The following CNTNAP2 variants were observed in gnomAD, a reference collection of about 807,000 sequenced individuals.
CNTNAP2 encodes the protein contactin-associated protein-like 2.
CNTNAP2 carries 98 observed loss-of-function variants against 155.2 expected under a neutral mutation model. The ratio of observed to expected loss-of-function variants is 0.63; its 90% CI spans 0.54 to 0.75. The LOEUF is 0.75. Ranked by LOEUF, CNTNAP2 falls within the 30% of genes least tolerant of loss-of-function variation. CNTNAP2 has a pLI of 0.00. For synonymous variants in CNTNAP2, 651 were observed against 631.2 expected, an observed-to-expected ratio of 1.03 and a Z score of -0.47; for missense variants, 1,727 against 1,688.1, an observed-to-expected ratio of 1.02 and a Z score of -0.40.
intron 12 of CNTNAP2, among the ~76,000 whole-genome samples, chr7:147,608,403 A>G (rs202116809): frequency 7.1e-6 from 1 of 141,222 alleles, no homozygotes; most frequent in East Asian, 2.1e-4. Context: ...TGTTTTTTTT[A>G]AACTTACTGT....
intron 12 of CNTNAP2, among the ~76,000 whole-genome samples, chr7:147,614,737 C>T (rs1187314504): frequency 6.6e-6 from 1 of 151,524 alleles, no homozygotes; most frequent in East Asian, 1.9e-4. Flanking sequence ...TATTTTGTGA[C>T]TAATTCTTTG....
intron 12 of CNTNAP2, among the ~76,000 whole-genome samples, chr7:147,592,479 T>G (rs537691903): frequency 0.011 from 213 of 19,172 alleles, no homozygotes; most frequent in African/African-American, 0.034. Flanking sequence ...TTGTTTCTGG[T>G]TTTTTTTTTT....
chr7:146,266,886 A>ATTT (rs58244472), intron 1 of CNTNAP2, among the ~76,000 whole-genome samples: 1 of 140,910 alleles, frequency 7.1e-6, no homozygotes. Context: ...ACATTGCTGA[A>ATTT]TTTTTTTTTT....
intron 8 of CNTNAP2, among the ~76,000 whole-genome samples, chr7:147,157,237 A>G (rs985217275): frequency 6.6e-6 from 1 of 152,000 alleles, no homozygotes; most frequent in Non-Finnish European, 1.5e-5. Flanking sequence ...TTAGAGCACT[A>G]TTTCTTTCTA....
At chr7:146,831,084 A>G (rs900767118) in intron 2 of CNTNAP2, among the ~76,000 whole-genome samples, 10 of 152,148 alleles carry the variant, frequency 6.6e-5, no homozygotes, top group African/African-American at 2.2e-4. Flanking sequence ...CAAGGACTCA[A>G]TTTTATAAAA....
At chr7:148,395,744 G>A (rs955304121) in intron 22 of CNTNAP2, among the ~76,000 whole-genome samples, 10 of 152,232 alleles carry the variant, frequency 6.6e-5, no homozygotes, top group Middle Eastern at 3.4e-3. Context: ...AGGCCTGGCC[G>A]TGTCAGGGGC....
intron 1 of CNTNAP2, among the ~76,000 whole-genome samples, chr7:146,231,517 G>A (rs1289347879): frequency 6.6e-6 from 1 of 152,220 alleles, no homozygotes; most frequent in African/African-American, 2.4e-5. Flanking sequence ...GTACAGGTAT[G>A]TGAATGTAGA....
At chr7:148,167,827 C>A (rs1410306082) in intron 17 of CNTNAP2, among the ~76,000 whole-genome samples, 1 of 152,072 alleles carries the variant, frequency 6.6e-6, no homozygotes, top group African/African-American at 2.4e-5. Flanking sequence ...CCATGTAGAA[C>A]CTAAGAAGTC....
chr7:148,201,273 G>C (rs1795366222), intron 18 of CNTNAP2, among the ~76,000 whole-genome samples: 1 of 152,170 alleles, frequency 6.6e-6, no homozygotes, highest in Non-Finnish European at 1.5e-5. Flanking sequence ...TTGCTAGGAA[G>C]GCAAGAGAAA....
intron 8 of CNTNAP2, among the ~76,000 whole-genome samples, chr7:147,285,589 C>T (rs1400362095): frequency 6.6e-6 from 1 of 151,682 alleles, no homozygotes; most frequent in Non-Finnish European, 1.5e-5. Context: ...CCTATTATTC[C>T]TTTTTAAAAA....
At chr7:146,170,090 C>T (rs1306362527) in intron 1 of CNTNAP2, among the ~76,000 whole-genome samples, 3 of 149,728 alleles carry the variant, frequency 2.0e-5, no homozygotes, top group Non-Finnish European at 4.4e-5. Flanking sequence ...GCAGTGGTGC[C>T]ATCTCGGCTC....
chr7:147,289,716 A>G (rs1395514567), intron 8 of CNTNAP2, among the ~76,000 whole-genome samples: 1 of 152,086 alleles, frequency 6.6e-6, no homozygotes, highest in Non-Finnish European at 1.5e-5. Flanking sequence ...AGCTACCAAA[A>G]TTTTTTTCAT....
chr7:146,911,599 T>C (rs2129217163), intron 3 of CNTNAP2, among the ~76,000 whole-genome samples: 1 of 136,702 alleles, frequency 7.3e-6, no homozygotes, highest in South Asian at 2.3e-4. Context: ...AGGTGGGAAT[T>C]GAACAATGAG....
At chr7:148,051,425 T>A (rs893269060) in intron 15 of CNTNAP2, among the ~76,000 whole-genome samples, 1 of 152,002 alleles carries the variant, frequency 6.6e-6, no homozygotes, top group African/African-American at 2.4e-5. Flanking sequence ...TGTTTTTTTT[T>A]TTAAGATTGC....
At chr7:147,794,737 G>GT (rs368387319) in intron 13 of CNTNAP2, among the ~76,000 whole-genome samples, 93 of 149,014 alleles carry the variant, frequency 6.2e-4, no homozygotes, top group African/African-American at 1.3e-3. Flanking sequence ...TTTATGGGTA[G>GT]TTTTTTTTTT....
chr7:146,354,765 C>A (rs756235297), intron 1 of CNTNAP2, among the ~76,000 whole-genome samples: 10 of 152,026 alleles, frequency 6.6e-5, no homozygotes, highest in Non-Finnish European at 1.0e-4. Context: ...ATATAGTGGG[C>A]AACCTGGTCT....
intron 9 of CNTNAP2, among the ~76,000 whole-genome samples, chr7:147,376,356 T>C (rs1307598991): frequency 6.6e-6 from 1 of 151,898 alleles, no homozygotes; most frequent in Non-Finnish European, 1.5e-5. Context: ...ACTGAAGCAC[T>C]GAGGGGAGGG....
intron 1 of CNTNAP2, among the ~76,000 whole-genome samples, chr7:146,723,546 T>G (rs1269003704): frequency 6.6e-6 from 1 of 152,214 alleles, no homozygotes. Context: ...ATGATATATA[T>G]AGCCAACGGT....
intron 10 of CNTNAP2, among the ~76,000 whole-genome samples, chr7:147,467,337 A>G (rs991557583): frequency 6.6e-6 from 1 of 152,238 alleles, no homozygotes; most frequent in Non-Finnish European, 1.5e-5. Flanking sequence ...ACCTTAAAAT[A>G]ATTTATTGCT....
Sources: allele counts gnomAD v4.1 joint callset (sites outside exome capture counted in the v4.1 genomes callset), GRCh38; gene constraint gnomAD v4.1.1; transcripts MANE v1.5; gene names NCBI Gene and HGNC (gene_info 2026-07-23, HGNC 2026-07-21).